Variants in ERC2 observed in about 807,000 individuals in gnomAD.
ERC2 encodes the protein ERC protein 2.
Under a neutral mutation model 114.8 loss-of-function variants are expected in ERC2, and 42 were observed. The ratio of observed to expected loss-of-function variants is 0.37; its 90% CI spans 0.29 to 0.47. The LOEUF is 0.47. Ranked by LOEUF, ERC2 falls within the 20% of genes least tolerant of loss-of-function variation. ERC2 has a pLI of 0.99. For missense variants in ERC2, 939 were observed against 1,150.7 expected (o/e 0.82, Z 2.66); for synonymous variants, 454 against 425.5 (o/e 1.07, Z -0.82).
intron 2 of ERC2, among the ~76,000 whole-genome samples, chr3:56,364,671 T>C (rs2059084477): frequency 6.6e-6 from 1 of 152,242 alleles, no homozygotes; most frequent in East Asian, 1.9e-4. Context: ...ATTAGAACTT[T>C]GCTTTGTGCT....
chr3:56,244,991 G>A (rs549670200), intron 3 of ERC2, among the ~76,000 whole-genome samples: 43 of 152,078 alleles, frequency 2.8e-4, no homozygotes, highest in African/African-American at 9.2e-4. Flanking sequence ...CAGTACAGTC[G>A]CTTGCTGTAC....
At chr3:56,030,760 T>C (rs897386295) in intron 7 of ERC2, among the ~76,000 whole-genome samples, 1 of 152,230 alleles carries the variant, frequency 6.6e-6, no homozygotes, top group African/African-American at 2.4e-5. Context: ...ATAATCTTCA[T>C]GGATGCGAAT....
intron 3 of ERC2, among the ~76,000 whole-genome samples, chr3:56,241,672 C>G (rs531952756): frequency 3.4e-4 from 52 of 152,166 alleles, no homozygotes; most frequent in African/African-American, 1.2e-3. Flanking sequence ...GATAGTTCCC[C>G]CTTCACCGAG....
intron 14 of ERC2, among the ~76,000 whole-genome samples, chr3:55,855,274 G>A (rs1420389647): frequency 1.3e-5 from 2 of 152,116 alleles, no homozygotes; most frequent in Non-Finnish European, 1.5e-5. Context: ...AGATGGAAAT[G>A]TACACACCTA....
At chr3:56,125,537 A>G (rs2149871878) in intron 6 of ERC2, among the ~76,000 whole-genome samples, 1 of 152,316 alleles carries the variant, frequency 6.6e-6, no homozygotes, top group African/African-American at 2.4e-5. Context: ...GACATCTGCC[A>G]GCTGCAAAGT....
chr3:55,947,530 A>G (rs2067205318), intron 13 of ERC2, among the ~76,000 whole-genome samples: 1 of 151,754 alleles, frequency 6.6e-6, no homozygotes, highest in Non-Finnish European at 1.5e-5. Flanking sequence ...GTTCAAGAGT[A>G]GGCCTTATGA....
intron 6 of ERC2, among the ~76,000 whole-genome samples, chr3:56,135,703 C>T (rs1289943774): frequency 6.6e-6 from 1 of 152,176 alleles, no homozygotes; most frequent in Admixed American, 6.5e-5. Flanking sequence ...GGTATAACCA[C>T]ACATCTCCCA....
chr3:55,786,487 T>C (rs2069502183), intron 14 of ERC2, among the ~76,000 whole-genome samples: 1 of 152,216 alleles, frequency 6.6e-6, no homozygotes, highest in South Asian at 2.1e-4. Context: ...TTGTTACCAC[T>C]GCTAATTATA....
chr3:55,895,633 C>G (rs2063805786), intron 13 of ERC2, among the ~76,000 whole-genome samples: 1 of 152,158 alleles, frequency 6.6e-6, no homozygotes, highest in African/African-American at 2.4e-5. Flanking sequence ...AGGGCAGAGA[C>G]TGTGTCTCCA....
chr3:56,050,367 G>C (rs992388455), intron 7 of ERC2, among the ~76,000 whole-genome samples: 3 of 152,166 alleles, frequency 2.0e-5, no homozygotes, highest in Non-Finnish European at 2.9e-5. Flanking sequence ...GGATCTGCAA[G>C]GGACCAGAGT....
At chr3:56,040,569 A>ATATATGTATACATATACATATACATG (rs146212647) in intron 7 of ERC2, among the ~76,000 whole-genome samples, 1 of 846 alleles carries the variant, frequency 1.2e-3, no homozygotes, top group African/African-American at 3.0e-3. Context: ...ATAGAGATGT[A>ATATATGTATACATATACATATACATG]TATATGTATA....
At chr3:56,422,409 G>A (rs2061420339) in intron 2 of ERC2, among the ~76,000 whole-genome samples, 1 of 152,138 alleles carries the variant, frequency 6.6e-6, no homozygotes, top group Non-Finnish European at 1.5e-5. Context: ...AGCCAGTCCT[G>A]GAGTTGCTTC....
intron 4 of ERC2, among the ~76,000 whole-genome samples, chr3:56,161,709 TG>T (rs1348587957): frequency 6.6e-6 from 1 of 152,170 alleles, no homozygotes; most frequent in Non-Finnish European, 1.5e-5. Context: ...TGAACACTAT[TG>T]GTGTATAGAA....
intron 7 of ERC2, among the ~76,000 whole-genome samples, chr3:56,030,969 T>C (rs1184787131): frequency 6.6e-6 from 1 of 152,184 alleles, no homozygotes; most frequent in African/African-American, 2.4e-5. Flanking sequence ...GCATCAGGCC[T>C]ACTCCGATGA....
At chr3:56,313,008 A>ATATATATG (rs1410800287) in intron 2 of ERC2, among the ~76,000 whole-genome samples, 7 of 110,730 alleles carry the variant, frequency 6.3e-5, no homozygotes, top group Non-Finnish European at 1.3e-4. Context: ...ATTCATATAT[A>ATATATATG]TATATATATA....
intron 14 of ERC2, among the ~76,000 whole-genome samples, chr3:55,759,399 C>T (rs914171074): frequency 7.5e-6 from 1 of 133,034 alleles, no homozygotes; most frequent in South Asian, 2.5e-4. Context: ...AAGAAGTGTT[C>T]GCTATTGTCT....
chr3:55,916,390 T>C (rs1367944503), intron 13 of ERC2, among the ~76,000 whole-genome samples: 2 of 152,158 alleles, frequency 1.3e-5, no homozygotes, highest in African/African-American at 4.8e-5. Context: ...GAATCCAAAA[T>C]GCAATTCCAG....
chr3:55,736,955 C>T (rs2065672129), intron 14 of ERC2, among the ~76,000 whole-genome samples: 1 of 152,134 alleles, frequency 6.6e-6, no homozygotes, highest in South Asian at 2.1e-4. Flanking sequence ...GTCTTATCTC[C>T]ACCATTTGTG....
chr3:55,534,825 G>A (rs1422316207), intron 17 of ERC2, among the ~76,000 whole-genome samples: 7 of 152,214 alleles, frequency 4.6e-5, no homozygotes, highest in Non-Finnish European at 1.0e-4. Flanking sequence ...AGCACAAGGT[G>A]ATGACAGGAG....
Sources: allele counts gnomAD v4.1 joint callset (sites outside exome capture counted in the v4.1 genomes callset), GRCh38; gene constraint gnomAD v4.1.1; transcripts MANE v1.5; gene names NCBI Gene and HGNC (gene_info 2026-07-23, HGNC 2026-07-21).